Variants in CLSTN2 observed in about 807,000 individuals in gnomAD.
CLSTN2 encodes the protein calsyntenin 2.
Under a neutral mutation model 101.2 loss-of-function variants are expected in CLSTN2, and 48 were observed. The ratio of observed to expected loss-of-function variants is 0.47; its 90% confidence interval spans 0.38 to 0.60. CLSTN2 has a LOEUF of 0.60. Ranked by LOEUF, CLSTN2 falls within the 20% of genes least tolerant of loss-of-function variation. The pLI is 0.00. For synonymous variants in CLSTN2, 481 were observed against 463.6 expected, an observed-to-expected ratio of 1.04 and a Z score of -0.48; for missense variants, 1,160 against 1,238.2, an observed-to-expected ratio of 0.94 and a Z score of 0.95.
intron 2 of CLSTN2, among the ~76,000 whole-genome samples, chr3:140,391,011 G>A (rs965164200): frequency 9.2e-5 from 14 of 152,134 alleles, no homozygotes; most frequent in African/African-American, 3.4e-4. Context: ...CCTGCCATGG[G>A]CAGCAGTTCT....
intron 2 of CLSTN2, among the ~76,000 whole-genome samples, chr3:140,277,803 A>C (rs7635923): frequency 0.54 from 81,646 of 151,994 alleles, 22,813 homozygotes; most frequent in East Asian, 0.96. Context: ...TATTCACCTC[A>C]AAGACACTAC....
intron 2 of CLSTN2, among the ~76,000 whole-genome samples, chr3:140,377,235 C>T (rs1380435107): frequency 1.3e-5 from 2 of 152,176 alleles, no homozygotes; most frequent in Non-Finnish European, 2.9e-5. Context: ...ACCTACTGCA[C>T]TGCTAGTCAT....
intron 2 of CLSTN2, among the ~76,000 whole-genome samples, chr3:140,228,293 G>A (rs539055142): frequency 1.8e-3 from 274 of 152,264 alleles, no homozygotes; most frequent in Non-Finnish European, 3.1e-3. Context: ...TAGGGCAGGG[G>A]CAAAATGACA....
intron 4 of CLSTN2, among the ~76,000 whole-genome samples, chr3:140,408,918 T>C (rs1393904636): frequency 1.3e-5 from 2 of 152,334 alleles, no homozygotes; most frequent in South Asian, 2.1e-4. Context: ...CCTACATGCG[T>C]GCTTACCCAG....
chr3:139,950,079 C>T (rs901841279), intron 1 of CLSTN2, among the ~76,000 whole-genome samples: 13 of 152,136 alleles, frequency 8.5e-5, no homozygotes, highest in African/African-American at 2.7e-4. Context: ...AGGGGCCAAC[C>T]TTTGGCTGTG....
intron 2 of CLSTN2, among the ~76,000 whole-genome samples, chr3:140,260,872 T>A (rs1163368506): frequency 1.3e-5 from 2 of 152,132 alleles, no homozygotes; most frequent in Non-Finnish European, 2.9e-5. Flanking sequence ...CAGTCAGGTG[T>A]TTTGTAGGGT....
chr3:140,165,131 T>G (rs2010114982), intron 1 of CLSTN2, among the ~76,000 whole-genome samples: 1 of 152,224 alleles, frequency 6.6e-6, no homozygotes, highest in East Asian at 1.9e-4. Flanking sequence ...ATATTTTTCA[T>G]GTATGAGTCA....
intron 2 of CLSTN2, among the ~76,000 whole-genome samples, chr3:140,358,772 G>C (rs1331663932): frequency 7.9e-5 from 12 of 151,928 alleles, no homozygotes; most frequent in Non-Finnish European, 1.2e-4. Flanking sequence ...CATTAGTCTG[G>C]GGGTGAGATA....
intron 6 of CLSTN2, among the ~76,000 whole-genome samples, chr3:140,452,943 G>A (rs3828401): frequency 0.055 from 8,389 of 152,208 alleles, 339 homozygotes; most frequent in East Asian, 0.21. Context: ...CCACATGAAG[G>A]ACCATGCCAT....
chr3:139,978,651 TGTGTGTGTG>T (rs1935862957), intron 1 of CLSTN2, among the ~76,000 whole-genome samples: 2 of 1,572 alleles, frequency 1.3e-3, no homozygotes, highest in East Asian at 0.016. Context: ...TGGGGGATTG[TGTGTGTGTG>T]TGTGTGTGTG....
intron 2 of CLSTN2, among the ~76,000 whole-genome samples, chr3:140,209,666 G>C (rs1034757584): frequency 6.6e-6 from 1 of 152,214 alleles, no homozygotes; most frequent in South Asian, 2.1e-4. Context: ...AGTTCCCTGG[G>C]CTAAGGATGC....
chr3:140,199,359 C>A (rs991324082), intron 2 of CLSTN2, among the ~76,000 whole-genome samples: 2 of 152,144 alleles, frequency 1.3e-5, no homozygotes, highest in African/African-American at 4.8e-5. Context: ...TCAGAATCAC[C>A]TGAGGAGCTT....
chr3:140,081,698 T>TA (rs769556417), intron 1 of CLSTN2, among the ~76,000 whole-genome samples: 1 of 150,844 alleles, frequency 6.6e-6, no homozygotes, highest in Non-Finnish European at 1.5e-5. Context: ...CATGATATCA[T>TA]ACCACCCCTT....
At chr3:140,216,639 A>G (rs2010924758) in intron 2 of CLSTN2, among the ~76,000 whole-genome samples, 1 of 152,248 alleles carries the variant, frequency 6.6e-6, no homozygotes, top group South Asian at 2.1e-4. Context: ...AAGGGAAAGC[A>G]TAGAGAAGAG....
At chr3:140,104,072 A>G (rs771918354) in intron 1 of CLSTN2, among the ~76,000 whole-genome samples, 4 of 152,214 alleles carry the variant, frequency 2.6e-5, no homozygotes, top group Non-Finnish European at 5.9e-5. Context: ...ATTTAGCTGG[A>G]ATGGAAGGAA....
At chr3:140,192,999 T>G (rs931468037) in intron 2 of CLSTN2, among the ~76,000 whole-genome samples, 3 of 151,894 alleles carry the variant, frequency 2.0e-5, no homozygotes, top group Non-Finnish European at 4.4e-5. Flanking sequence ...CTTATTATAG[T>G]CTATTGGTAT....
At chr3:140,389,827 T>G (rs1287408690) in intron 2 of CLSTN2, among the ~76,000 whole-genome samples, 2 of 152,172 alleles carry the variant, frequency 1.3e-5, no homozygotes, top group African/African-American at 4.8e-5. Context: ...TATTTTGACT[T>G]GCATGAGATG....
chr3:140,176,086 C>A lies in CLSTN2; in HGVS notation c.232+13C>A, dbSNP rs769869693. ...GTTCCTTTTGCAGGTGAGATTATGG[C>A]TTCGTACGGCTGGGCCTGGCTCACT... is the stretch of plus-strand genomic sequence containing the variant. On this transcript the variant is annotated intron_variant, in intron 2 of 16. Coordinates refer to ENST00000458420, the MANE Select transcript of CLSTN2 (RefSeq NM_022131.3). 6.2e-7 allele frequency: 1 copy of A among 1,613,296 alleles called. No individual in the cohort carries two copies. The highest frequency in any genetic ancestry group is 1.3e-5 in the African/African-American group (1 of 75,004).
intron 1 of CLSTN2, among the ~76,000 whole-genome samples, chr3:140,169,776 G>C (rs1314650375): frequency 3.3e-5 from 5 of 152,046 alleles, no homozygotes; most frequent in Non-Finnish European, 7.4e-5. Context: ...AAGGGATGAA[G>C]CTGGGTAGAA....
Sources: allele counts gnomAD v4.1 joint callset (sites outside exome capture counted in the v4.1 genomes callset), GRCh38; gene constraint gnomAD v4.1.1; transcripts MANE v1.5; gene names NCBI Gene and HGNC (gene_info 2026-07-23, HGNC 2026-07-21).